The following EYA1 variants were observed in gnomAD, a reference collection of about 807,000 sequenced individuals.
The protein encoded by EYA1 is protein phosphatase EYA1.
A neutral mutation model predicts 82.0 loss-of-function variants in EYA1; 16 were observed. The observed-to-expected ratio is 0.20, with a 90% CI of 0.13 to 0.30. The LOEUF is 0.30. EYA1 is among the 10% of genes least tolerant of loss of function. The pLI is 1.00. For synonymous variants in EYA1, 261 were observed against 264.4 expected, an observed-to-expected ratio of 0.99 and a Z score of 0.12; for missense variants, 633 against 730.7, an observed-to-expected ratio of 0.87 and a Z score of 1.54.
intron 11 of EYA1, among the ~76,000 whole-genome samples, chr8:71,256,495 T>C (rs982551671): frequency 1.4e-4 from 21 of 152,066 alleles, no homozygotes; most frequent in African/African-American, 4.6e-4. Context: ...TGAGGGTACC[T>C]GCAATACACA....
At chr8:71,485,438 T>A (rs1810485678) in intron 2 of EYA1, among the ~76,000 whole-genome samples, 1 of 152,168 alleles carries the variant, frequency 6.6e-6, no homozygotes, top group Non-Finnish European at 1.5e-5. Flanking sequence ...TGGAGAAGAA[T>A]CATAAACTAA....
chr8:71,233,581 A>G (rs1446776073), intron 12 of EYA1, among the ~76,000 whole-genome samples: 1 of 150,672 alleles, frequency 6.6e-6, no homozygotes, highest in East Asian at 1.9e-4. Context: ...AAAAAAAAAG[A>G]AAAAAAAGAA....
intron 9 of EYA1, among the ~76,000 whole-genome samples, chr8:71,292,003 G>A (rs933504583): frequency 2.6e-5 from 4 of 151,898 alleles, no homozygotes; most frequent in African/African-American, 7.3e-5. Flanking sequence ...CACAGTAATT[G>A]GATTATAGAT....
intron 11 of EYA1, among the ~76,000 whole-genome samples, chr8:71,258,368 G>A (rs1026967765): frequency 1.2e-4 from 18 of 152,194 alleles, no homozygotes; most frequent in Admixed American, 9.8e-4. Flanking sequence ...TGGAGGTTTT[G>A]CGTGTGCAAC....
intron 2 of EYA1, among the ~76,000 whole-genome samples, chr8:71,370,263 C>G (rs2129088702): frequency 6.6e-6 from 1 of 151,692 alleles, no homozygotes; most frequent in Middle Eastern, 3.4e-3. Flanking sequence ...GTCCACAACA[C>G]CATCATTTTC....
chr8:71,320,400 G>C (rs1822405855), intron 6 of EYA1, among the ~76,000 whole-genome samples: 1 of 152,180 alleles, frequency 6.6e-6, no homozygotes, highest in South Asian at 2.1e-4. Flanking sequence ...GTAAATCAAA[G>C]ACTGCCTTGA....
chr8:71,500,514 T>A (rs938518956), intron 2 of EYA1, among the ~76,000 whole-genome samples: 1 of 152,176 alleles, frequency 6.6e-6, no homozygotes, highest in Non-Finnish European at 1.5e-5. Flanking sequence ...CTTTTGACTC[T>A]CTATTTTCTC....
At position 71,417,704 on chromosome 8, in the gene EYA1, A is replaced by C. The variant is rs1243524627; in HGVS notation, c.34-61193T>G. On this transcript the variant is annotated intron_variant, in intron 2 of 18. Transcript: ENST00000643681. ...TGAACACTGAACCAGACAGCCCTCT[A>C]TAACAAAGAATGATCCGGCCAACAT... Among the ~76,000 whole-genome samples, 3 of 152,312 alleles carry C rather than the reference A, an allele frequency of 2.0e-5. No individual in the cohort carries two copies. The South Asian group carries it at 6.2e-4, about 32-fold the overall frequency.
intron 2 of EYA1, among the ~76,000 whole-genome samples, chr8:71,389,566 T>G (rs1298118065): frequency 6.6e-6 from 1 of 152,168 alleles, no homozygotes; most frequent in Non-Finnish European, 1.5e-5. Context: ...TTTAGAGCTT[T>G]TACTAGACTT....
At chr8:71,228,762 A>T (rs1018715128) in intron 12 of EYA1, among the ~76,000 whole-genome samples, 32 of 152,164 alleles carry the variant, frequency 2.1e-4, no homozygotes, top group Non-Finnish European at 1.3e-4. Context: ...AATAAATGAG[A>T]TGCAGATCTT....
At position 71,211,125 on chromosome 8, in the gene EYA1, G is replaced by C. The variant is rs7814346; in HGVS notation, c.1698+31C>G. 35 of 1,389,194 alleles carry C rather than the reference G, an allele frequency of 2.5e-5. No homozygotes were observed. In the African/African-American group the frequency reaches 3.8e-4, roughly 15 times the overall value. The allele number at this position is 1,389,194 out of a possible 1,614,324, so 86.1% of individuals were successfully genotyped here. On this transcript the variant is annotated intron_variant, in intron 17 of 17. Coordinates refer to ENST00000340726, the MANE Select transcript of EYA1 (RefSeq NM_000503.6). ...AATACTGAGGACTGAAAAAACAAATGAGACAAGATGCACCATCTAGGAATG... is the reference window on the plus strand; with the variant it reads ...AATACTGAGGACTGAAAAAACAAATCAGACAAGATGCACCATCTAGGAATG...
intron 2 of EYA1, among the ~76,000 whole-genome samples, chr8:71,534,237 T>C (rs1814516251): frequency 6.6e-6 from 1 of 152,240 alleles, no homozygotes; most frequent in East Asian, 1.9e-4. Flanking sequence ...ATTAATTTTA[T>C]ATGAGCTACA....
chr8:71,270,323 T>C, intron 10 of EYA1: 1 of 161,348 alleles, frequency 6.2e-6, no homozygotes, highest in Non-Finnish European at 1.4e-5. Flanking sequence ...CACCTTATGT[T>C]ACCTATTGAG....
At position 71,197,941 on chromosome 8, in the gene EYA1, A is replaced by ACAT. The variant is rs1196271143; in HGVS notation, c.*1396_*1398dup. On this transcript the variant is annotated 3_prime_UTR_variant, in exon 18 of 18. Coordinates refer to ENST00000340726, the MANE Select transcript of EYA1 (RefSeq NM_000503.6). ...CCCAGATTGATGCCTGTCATGTAGT[A>ACAT]CATAATGCAGGTGGAGAGGAACGTT... 1.3e-5 allele frequency: 2 copies of ACAT among 152,248 alleles called. No homozygotes were observed. The highest frequency in any genetic ancestry group is 4.8e-5 in the African/African-American group (2 of 41,464). 9.4% of individuals were successfully genotyped at this position (152,248 alleles called of 1,614,324 possible).
At chr8:71,266,877 A>G (rs1158351724) in intron 11 of EYA1, among the ~76,000 whole-genome samples, 3 of 152,218 alleles carry the variant, frequency 2.0e-5, no homozygotes, top group Non-Finnish European at 4.4e-5. Context: ...TCAGTTGCCC[A>G]GGACAACACA....
chr8:71,437,781 C>T (rs1309907830), intron 2 of EYA1, among the ~76,000 whole-genome samples: 1 of 151,496 alleles, frequency 6.6e-6, no homozygotes, highest in Non-Finnish European at 1.5e-5. Context: ...TGTTGACAAA[C>T]AGTACCAGAT....
Position 71,427,386 on chromosome 8 carries a change from TA to T in EYA1, c.34-70876del, listed in dbSNP as rs1287673145. Among the ~76,000 whole-genome samples the T allele has an allele frequency of 1.4e-4, 21 of 152,236 alleles. No homozygotes were observed. In the East Asian group the frequency reaches 3.9e-3, roughly 28 times the overall value. ...GGTTTTCCTTTTAAATGATAACAATTAAAAACAAGAGAGAATAAATGTCCCA... is the reference window on the plus strand; with the variant it reads ...GGTTTTCCTTTTAAATGATAACAATTAAAACAAGAGAGAATAAATGTCCCA... On this transcript the variant is annotated intron_variant, in intron 2 of 18. Transcript: ENST00000643681.
intron 2 of EYA1, among the ~76,000 whole-genome samples, chr8:71,443,323 G>C (rs778123971): frequency 6.6e-6 from 1 of 152,162 alleles, no homozygotes; most frequent in Non-Finnish European, 1.5e-5. Flanking sequence ...ATAGAGTCTT[G>C]CTCTGTTGCC....
At chr8:71,263,882 T>C (rs915918730) in intron 11 of EYA1, among the ~76,000 whole-genome samples, 1 of 152,200 alleles carries the variant, frequency 6.6e-6, no homozygotes, top group Non-Finnish European at 1.5e-5. Flanking sequence ...CTAGAGTTTT[T>C]AAAACCAAAA....
Sources: gnomAD v4.1 joint callset for allele counts (sites outside exome capture counted in the v4.1 genomes callset) on GRCh38, gnomAD v4.1.1 for gene constraint, MANE v1.5 for transcripts, NCBI Gene and HGNC (gene_info 2026-07-23, HGNC 2026-07-21) for gene names.